Variants in GZF1 observed in about 807,000 individuals in gnomAD.
GZF1 encodes GDNF-inducible zinc finger protein 1.
In GZF1, 28 loss-of-function variants were observed where a neutral mutation model predicts 49.4. That is an observed-to-expected ratio of 0.57 (90% confidence interval 0.42 to 0.78). GZF1 has a LOEUF of 0.78. GZF1 is among the 30% of genes least tolerant of loss of function. GZF1 has a pLI of 0.00. For synonymous variants in GZF1, 364 were observed against 356.0 expected, an observed-to-expected ratio of 1.02 and a Z score of -0.25; for missense variants, 798 against 916.2, an observed-to-expected ratio of 0.87 and a Z score of 1.67.
rs1982095485 is a variant in GZF1, at chr20:23,371,719, T to TG, written c.*1278_*1279insG. 6.6e-6 allele frequency: 1 copy of TG among 152,378 alleles called. No homozygotes were observed. The highest frequency in any genetic ancestry group is 2.4e-5 in the African/African-American group (1 of 41,470). The allele number at this position is 152,378 out of a possible 1,614,324, so 9.4% of individuals were successfully genotyped here. A position where few individuals can be genotyped will look rare whatever the true frequency, so the allele number is the denominator to read the frequency against. On this transcript the variant is annotated 3_prime_UTR_variant, in exon 6 of 6. Transcript: ENST00000338121. ...TTCACATGTAACATTTAAACATTAA[T>TG]TTAAAAAGGGAACCTTGGAGAATTC...
Position 23,366,851 on chromosome 20 carries a change from GGGAT to G in GZF1, c.1365-148_1365-145del, listed in dbSNP as rs1981455276. Reference sequence around the variant, plus strand: ...CTTGTGCAGAAACTCAGTTTATTTTGGGATGGAGATTATGGGCTCTTGACCTGTC... The same window carrying G: ...CTTGTGCAGAAACTCAGTTTATTTTGGGAGATTATGGGCTCTTGACCTGTC... On this transcript the variant is annotated intron_variant, in intron 2 of 5. Coordinates refer to ENST00000338121, the MANE Select transcript of GZF1 (RefSeq NM_022482.5). 3 of 639,520 alleles carry G rather than the reference GGGAT, an allele frequency of 4.7e-6. No individual in the cohort carries two copies. The South Asian group carries it at 5.1e-5, about 11-fold the overall frequency. The allele number at this position is 639,520 out of a possible 1,614,324, so 39.6% of individuals were successfully genotyped here.
rs1223634494 is a variant in GZF1 at position 23,365,271 on chromosome 20, G to C, written c.888G>C (p.Gly296=). 1 of 1,607,142 alleles carries C rather than the reference G, an allele frequency of 6.2e-7. No homozygotes were observed. Among genetic ancestry groups the C allele is most frequent in the African/African-American group, 1.3e-5 (1 of 74,574 alleles). The change falls in exon 2 of 6, where the codon GGG becomes GGC. Residue 296 remains glycine, a synonymous_variant. Transcript: ENST00000338121. ...AELEELSKKA[G]PEEEEEEEEE... ...TGGAGGAATTGTCAAAGAAAGCAGG[G>C]CCGGAGGAGGAAGAGGAGGAGGAGG...
rs1272324734 is a variant in GZF1, at chr20:23,372,838, T to C, written c.*2397T>C. On this transcript the variant is annotated 3_prime_UTR_variant, in exon 6 of 6. Coordinates refer to ENST00000338121, the MANE Select transcript of GZF1 (RefSeq NM_022482.5). ...TTTCCAACCATTTTCTGTGAAATGC[T>C]GTCAGCCCAAACTCCAAAGGGATGT... 1 of 152,198 alleles carries C rather than the reference T, an allele frequency of 6.6e-6. No homozygotes were observed. The highest frequency in any genetic ancestry group is 1.5e-5 in the Non-Finnish European group (1 of 68,040). The allele number at this position is 152,198 out of a possible 1,614,324, so 9.4% of individuals were successfully genotyped here.
rs1041004199 is a variant in GZF1 at position 23,369,840 on chromosome 20, A to C, written c.1785+99A>C. The C allele has an allele frequency of 6.1e-6, 8 of 1,306,394 alleles. No homozygotes were observed. In the African/African-American group the frequency reaches 1.2e-4, roughly 19 times the overall value. The allele number at this position is 1,306,394 out of a possible 1,614,324, so 80.9% of individuals were successfully genotyped here. Reference sequence around the variant, plus strand: ...CATTCTCCAAGGTGGTTAGAGGTCGAGACAACAGGTACTTTCTCCTTGGGT... The same window carrying C: ...CATTCTCCAAGGTGGTTAGAGGTCGCGACAACAGGTACTTTCTCCTTGGGT... On this transcript the variant is annotated intron_variant, in intron 5 of 5. Transcript: ENST00000338121.
Position 23,365,287 on chromosome 20 carries a change from G to A in GZF1, c.904G>A (p.Glu302Lys), listed in dbSNP as rs761685125. The A allele has an allele frequency of 1.9e-5, 31 of 1,604,348 alleles. No individual in the cohort carries two copies. In the South Asian group the frequency reaches 3.4e-4, roughly 18 times the overall value. ...SKKAGPEEEE[E>K]EEEEDEEGEK... ...GAAAGCAGGGCCGGAGGAGGAAGAGGAGGAGGAGGAGGAGGACGAAGAAGG... is the reference window on the plus strand; with the variant it reads ...GAAAGCAGGGCCGGAGGAGGAAGAGAAGGAGGAGGAGGAGGACGAAGAAGG... Residue 302 changes from glutamate to lysine, a missense_variant, in exon 2 of 6, where the codon GAG becomes AAG. Physicochemically the swap from Glu to Lys is moderately conservative, Grantham distance 56 (BLOSUM62 1). Transcript: ENST00000338121.
chr20:23,367,022 C>A lies in GZF1; in HGVS notation c.1384C>A (p.Pro462Thr). The change falls in exon 3 of 6, where the codon CCT (proline) becomes ACT (threonine). Residue 462 changes from proline (P) to threonine (T), a missense_variant. Pro to Thr is a conservative substitution (Grantham distance 38). Around this residue, in one of 3 missense-constraint regions of GZF1, gnomAD observed 446 missense variants for 540.1 expected, o/e 0.83. Transcript: ENST00000338121. ...THMRIHTGEK[P>T]FVCDECGARF... ...TTTCAGAATTCATACAGGGGAAAAA[C>A]CTTTTGTCTGTGATGAATGTGGTGC... The A allele has an allele frequency of 6.2e-7, 1 of 1,612,402 alleles. No individual in the cohort carries two copies. Among genetic ancestry groups the A allele is most frequent in the Non-Finnish European group, 8.5e-7 (1 of 1,178,916 alleles).
intron 3 of GZF1, among the ~76,000 whole-genome samples, chr20:23,368,516 A>G (rs564068771): frequency 2.0e-5 from 3 of 152,332 alleles, no homozygotes; most frequent in African/African-American, 4.8e-5. Flanking sequence ...TGAACAAACA[A>G]TACCTCTTTG....
chr20:23,361,198 C>A (rs555512059), upstream of GZF1, among the ~76,000 whole-genome samples: 20 of 152,312 alleles, frequency 1.3e-4, no homozygotes, highest in African/African-American at 4.8e-4. Context: ...GTCGGTAAGA[C>A]AAGGCTGAGT....
At position 23,372,102 on chromosome 20, in the gene GZF1, A is replaced by G. The variant is rs1982132843; in HGVS notation, c.*1661A>G. 6.6e-6 allele frequency: 1 copy of G among 152,670 alleles called. No homozygotes were observed. The highest frequency in any genetic ancestry group is 2.1e-4 in the South Asian group (1 of 4,832). The allele number at this position is 152,670 out of a possible 1,614,324, so 9.5% of individuals were successfully genotyped here. ...AGAGGAGACCGAACCTGCCCAGCTG[A>G]TGTACTGTTTTATGGAATAAAGTCA... On this transcript the variant is annotated 3_prime_UTR_variant, in exon 6 of 6. Coordinates refer to ENST00000338121, the MANE Select transcript of GZF1 (RefSeq NM_022482.5).
At chr20:23,363,620 A>C (rs138811489) in intron 1 of GZF1, among the ~76,000 whole-genome samples, 223 of 152,320 alleles carry the variant, frequency 1.5e-3, no homozygotes, top group African/African-American at 5.2e-3. Context: ...TCACTGTAGC[A>C]CCTTGGCCTA....
At chr20:23,368,464 TTTC>T (rs1025795168) in intron 3 of GZF1, among the ~76,000 whole-genome samples, 9 of 152,324 alleles carry the variant, frequency 5.9e-5, no homozygotes, top group Admixed American at 1.3e-4. Context: ...GTGAAATTAT[TTTC>T]TTGTTTGGAA....
chr20:23,361,428 A>G (rs1980643963), upstream of GZF1, among the ~76,000 whole-genome samples: 1 of 152,234 alleles, frequency 6.6e-6, no homozygotes, highest in African/African-American at 2.4e-5. Flanking sequence ...CGAAGAGTGG[A>G]TGGGTCTCTG....
intron 1 of GZF1, among the ~76,000 whole-genome samples, chr20:23,363,802 T>C (rs956866843): frequency 4.6e-5 from 7 of 152,218 alleles, no homozygotes; most frequent in Non-Finnish European, 7.3e-5. Flanking sequence ...TAACAATAAT[T>C]CAAATTCTGA....
rs896575394 is a variant in GZF1, at chr20:23,364,897, C to T, written c.514C>T (p.Pro172Ser). 3.7e-6 allele frequency: 6 copies of T among 1,614,078 alleles called. No homozygotes were observed. The African/African-American group carries it at 6.7e-5, about 18-fold the overall frequency. Reference sequence around the variant, plus strand: ...CAGGGCAAGTGTGGCCACCGATGGCCCTCACCCCAGTGGTCTCACGGATTC... The same window carrying T: ...CAGGGCAAGTGTGGCCACCGATGGCTCTCACCCCAGTGGTCTCACGGATTC... ...APRASVATDG[P>S]HPSGLTDSLD... The change falls in exon 2 of 6, where the codon CCT becomes TCT. Residue 172 changes from proline (P) to serine (S), a missense_variant. Pro to Ser is a moderately conservative substitution (Grantham distance 74, BLOSUM62 -1). Transcript: ENST00000338121.
At chr20:23,369,484 C>G (rs961455059) in intron 4 of GZF1, 100 bp from the exon 5 acceptor site, 102 of 1,085,112 alleles carry the variant, frequency 9.4e-5, no homozygotes, top group Middle Eastern at 2.8e-4. Flanking sequence ...CTGAGGCTTC[C>G]CAGTGGTTTG....
In GZF1 at chr20:23,364,871, C is replaced by CCAGGG. The variant is rs758857169; in HGVS notation, c.491_495dup (p.Ser166GlyfsTer42). 1 of 1,614,176 alleles carries CCAGGG rather than the reference C, an allele frequency of 6.2e-7. No homozygotes were observed. The highest frequency in any genetic ancestry group is 8.5e-7 in the Non-Finnish European group (1 of 1,180,032). On this transcript the variant is annotated frameshift_variant, in exon 2 of 6. Transcript: ENST00000338121. LOFTEE classifies it high-confidence loss of function. ...TCCCAAGTTAGTGCTGCTCCTGCCCCCAGGGCAAGTGTGGCCACCGATGGC... is the reference window on the plus strand; with the variant it reads ...TCCCAAGTTAGTGCTGCTCCTGCCCCCAGGGCAGGGCAAGTGTGGCCACCGATGGC...
In GZF1 at chr20:23,372,897, G is replaced by A. The variant is rs775432573; in HGVS notation, c.*2456G>A. ...TCGTTTTACCAAATTCTTTGCTGTC[G>A]TTTGGAAAAAATGGGCCATGTGGTG... On this transcript the variant is annotated 3_prime_UTR_variant, in exon 6 of 6. Coordinates refer to ENST00000338121, the MANE Select transcript of GZF1 (RefSeq NM_022482.5). 2.0e-5 allele frequency: 3 copies of A among 152,142 alleles called. No homozygotes were observed. The highest frequency in any genetic ancestry group is 2.9e-5 in the Non-Finnish European group (2 of 68,016). The allele number at this position is 152,142 out of a possible 1,614,324, so 9.4% of individuals were successfully genotyped here.
rs138315434 is a variant in GZF1 at position 23,364,479 on chromosome 20, C to T, written c.96C>T (p.Asp32=). 87 of 1,614,186 alleles carry T rather than the reference C, an allele frequency of 5.4e-5. No homozygotes were observed. Among genetic ancestry groups the T allele is most frequent in the Non-Finnish European group, 6.7e-5 (79 of 1,180,020 alleles). The change falls in exon 2 of 6, where the codon GAC becomes GAT. Residue 32 remains aspartate, a synonymous_variant. Transcript: ENST00000338121. ...HELRLLGHLC[D]VTVSVEYQGV... is the part of the protein sequence containing the mutation. ...TTCGCCTCCTGGGTCACCTGTGTGA[C>T]GTGACAGTCAGCGTGGAGTATCAGG... is the stretch of plus-strand genomic sequence containing the variant.
upstream of GZF1, among the ~76,000 whole-genome samples, chr20:23,362,026 C>G (rs1568580283): frequency 6.6e-6 from 1 of 152,192 alleles, no homozygotes; most frequent in African/African-American, 2.4e-5. Context: ...GCGGCCAGAT[C>G]AGGTAACTGC....
Sources: allele counts gnomAD v4.1 joint callset (sites outside exome capture counted in the v4.1 genomes callset), GRCh38; gene constraint gnomAD v4.1.1; regional missense constraint gnomAD v4.1.1; transcripts MANE v1.5; gene names NCBI Gene and HGNC (gene_info 2026-07-23, HGNC 2026-07-21).